Variants in CNTNAP2 observed in about 807,000 individuals in gnomAD.
CNTNAP2 encodes contactin associated protein 2.
Under a neutral mutation model 155.2 loss-of-function variants are expected in CNTNAP2, and 98 were observed. The observed-to-expected ratio is 0.63, with a 90% CI of 0.54 to 0.75. The LOEUF is 0.75. CNTNAP2 is among the 30% of genes least tolerant of loss of function. The pLI, the probability that CNTNAP2 is intolerant of heterozygous loss-of-function variation, is 0.00. For missense variants in CNTNAP2, 1,727 were observed against 1,688.1 expected (o/e 1.02, Z -0.40); for synonymous variants, 651 against 631.2 (o/e 1.03, Z -0.47).
chr7:147,748,886 G>A (rs2116499556), intron 13 of CNTNAP2, among the ~76,000 whole-genome samples: 1 of 152,276 alleles, frequency 6.6e-6, no homozygotes, highest in South Asian at 2.1e-4. Context: ...CAAAAAGGAA[G>A]GGGACCAGAG....
intron 1 of CNTNAP2, among the ~76,000 whole-genome samples, chr7:146,230,940 A>G (rs562175959): frequency 1.1e-4 from 17 of 152,184 alleles, no homozygotes; most frequent in African/African-American, 4.1e-4. Flanking sequence ...GCTTGAACTC[A>G]GGAGGCAGAG....
chr7:146,450,110 T>C (rs1796457303), intron 1 of CNTNAP2, among the ~76,000 whole-genome samples: 1 of 152,172 alleles, frequency 6.6e-6, no homozygotes, highest in Non-Finnish European at 1.5e-5. Context: ...AAAGCTTTTC[T>C]TTTCCAAGGA....
intron 15 of CNTNAP2, among the ~76,000 whole-genome samples, chr7:148,018,984 A>T (rs1214680369): frequency 6.6e-6 from 1 of 152,200 alleles, no homozygotes; most frequent in East Asian, 1.9e-4. Context: ...GTGTGAAATC[A>T]CTATGTAAAA....
chr7:146,541,445 T>C (rs922124690), intron 1 of CNTNAP2, among the ~76,000 whole-genome samples: 6 of 152,008 alleles, frequency 3.9e-5, no homozygotes, highest in African/African-American at 1.4e-4. Context: ...TTGAAGTCAT[T>C]AACATGACTC....
chr7:148,388,890 G>C (rs1379994531), intron 22 of CNTNAP2, among the ~76,000 whole-genome samples: 1 of 152,134 alleles, frequency 6.6e-6, no homozygotes, highest in African/African-American at 2.4e-5. Context: ...CGTTCCTCTG[G>C]AAGTTTTGTC....
chr7:147,294,810 C>A (rs1333683309), intron 8 of CNTNAP2, among the ~76,000 whole-genome samples: 1 of 152,012 alleles, frequency 6.6e-6, no homozygotes, highest in South Asian at 2.1e-4. Context: ...AAGTGCCCAC[C>A]ACCACACCCG....
intron 3 of CNTNAP2, among the ~76,000 whole-genome samples, chr7:146,938,055 G>A (rs1016463269): frequency 1.3e-5 from 2 of 152,090 alleles, no homozygotes; most frequent in East Asian, 3.9e-4. Flanking sequence ...TGAACCATCT[G>A]GTCTGAGTTA....
At chr7:146,718,823 A>T (rs548274897) in intron 1 of CNTNAP2, among the ~76,000 whole-genome samples, 1 of 152,116 alleles carries the variant, frequency 6.6e-6, no homozygotes, top group East Asian at 1.9e-4. Flanking sequence ...TGTCTCATGG[A>T]TTGGTTCCTT....
chr7:147,577,229 C>G (rs79436515), intron 12 of CNTNAP2, among the ~76,000 whole-genome samples: 10,913 of 152,108 alleles, frequency 0.072, 824 homozygotes, highest in African/African-American at 0.19. Flanking sequence ...CTGCTACTTA[C>G]TAACTACAAT....
At chr7:148,372,016 T>A (rs200887761) in intron 21 of CNTNAP2, among the ~76,000 whole-genome samples, 1 of 151,940 alleles carries the variant, frequency 6.6e-6, no homozygotes, top group Admixed American at 6.6e-5. Context: ...CTGGCCAGCA[T>A]GGTGAAACCC....
intron 3 of CNTNAP2, among the ~76,000 whole-genome samples, chr7:146,877,322 T>C (rs1055985703): frequency 1.2e-4 from 9 of 76,642 alleles, no homozygotes; most frequent in Non-Finnish European, 2.0e-4. Context: ...GGTAACATAG[T>C]GAGACCCCCC....
chr7:147,924,564 A>G (rs1269509663), intron 14 of CNTNAP2, among the ~76,000 whole-genome samples: 1 of 152,236 alleles, frequency 6.6e-6, no homozygotes, highest in Non-Finnish European at 1.5e-5. Flanking sequence ...AACCTGCACA[A>G]GACCACACCA....
At chr7:147,150,456 A>T (rs1416365387) in intron 8 of CNTNAP2, among the ~76,000 whole-genome samples, 2 of 152,198 alleles carry the variant, frequency 1.3e-5, no homozygotes, top group African/African-American at 4.8e-5. Context: ...GATAATAGAA[A>T]AAAAAGTAAT....
chr7:146,793,188 T>A (rs1802704956), intron 2 of CNTNAP2, among the ~76,000 whole-genome samples: 1 of 152,192 alleles, frequency 6.6e-6, no homozygotes, highest in African/African-American at 2.4e-5. Context: ...AAATACTTCA[T>A]CTATATTTAA....
At chr7:148,064,338 T>C (rs1803213203) in intron 15 of CNTNAP2, among the ~76,000 whole-genome samples, 1 of 152,112 alleles carries the variant, frequency 6.6e-6, no homozygotes, top group African/African-American at 2.4e-5. Flanking sequence ...ATTTTGACAA[T>C]ATTTATTCTA....
intron 1 of CNTNAP2, among the ~76,000 whole-genome samples, chr7:146,253,547 C>A (rs188680415): frequency 6.6e-6 from 1 of 152,148 alleles, no homozygotes; most frequent in African/African-American, 2.4e-5. Context: ...ATTTTATATT[C>A]CAGTGTATGT....
At chr7:148,225,230 T>G (rs1795824673) in intron 19 of CNTNAP2, among the ~76,000 whole-genome samples, 1 of 152,014 alleles carries the variant, frequency 6.6e-6, no homozygotes, top group Non-Finnish European at 1.5e-5. Flanking sequence ...TGCTAAGAAC[T>G]GTTATGGGGA....
intron 3 of CNTNAP2, among the ~76,000 whole-genome samples, chr7:146,998,976 A>G (rs1231178369): frequency 6.6e-6 from 1 of 151,930 alleles, no homozygotes; most frequent in Non-Finnish European, 1.5e-5. Flanking sequence ...TCTTTTCATT[A>G]GAGAATTTTT....
intron 15 of CNTNAP2, among the ~76,000 whole-genome samples, chr7:148,052,035 A>G (rs1233754330): frequency 6.6e-6 from 1 of 151,038 alleles, no homozygotes; most frequent in Non-Finnish European, 1.5e-5. Flanking sequence ...GCTGCTCGGG[A>G]GGCTGAGGCA....
Sources: allele counts gnomAD v4.1 joint callset (sites outside exome capture counted in the v4.1 genomes callset), GRCh38; gene constraint gnomAD v4.1.1; transcripts MANE v1.5; gene names NCBI Gene and HGNC (gene_info 2026-07-23, HGNC 2026-07-21).